The following PACS1 variants were observed in gnomAD, a reference collection of about 807,000 sequenced individuals.
PACS1 encodes PACS-1.
PACS1 carries 24 observed loss-of-function variants against 115.0 expected under a neutral mutation model. The observed-to-expected ratio is 0.21, with a 90% CI of 0.15 to 0.29. The LOEUF is 0.29. Among genes scored for constraint, PACS1 ranks in the 10% least tolerant of loss-of-function variants. The pLI is 1.00. For synonymous variants in PACS1, 453 were observed against 504.5 expected (o/e 0.90, Z 1.37); for missense variants, 838 against 1,251.2 (o/e 0.67, Z 4.98).
At chr11:66,229,184 C>T (rs1371067269) in intron 11 of PACS1, among the ~76,000 whole-genome samples, 9 of 117,286 alleles carry the variant, frequency 7.7e-5, no homozygotes, top group Admixed American at 3.6e-4. Flanking sequence ...AAGACCAGCC[C>T]GGGCAACATG....
chr11:66,169,914 G>A (rs1045053007), intron 1 of PACS1, among the ~76,000 whole-genome samples: 2 of 150,304 alleles, frequency 1.3e-5, no homozygotes, highest in African/African-American at 5.0e-5. Flanking sequence ...TTCTTTGAAC[G>A]TTTGGTAGAA....
rs547655093 is a variant in PACS1, at chr11:66,077,038, A to G, written c.356+6196A>G. Among the ~76,000 whole-genome samples the G allele has an allele frequency of 1.1e-4, 16 of 152,226 alleles. No individual in the cohort carries two copies. The South Asian group carries it at 3.3e-3, about 32-fold the overall frequency. On this transcript the variant is annotated intron_variant, in intron 1 of 23. Transcript: ENST00000320580. Reference sequence around the variant, plus strand: ...TAACCAGCTTCCAAAGGTTTTAGAGACCAAGATATGCACCAGCTCTAGAGT... The same window carrying G: ...TAACCAGCTTCCAAAGGTTTTAGAGGCCAAGATATGCACCAGCTCTAGAGT...
At position 66,243,531 on chromosome 11, in the gene PACS1, TG is replaced by T. The variant is rs1855859772; in HGVS notation, c.*253del. 6 of 529,658 alleles carry T rather than the reference TG, an allele frequency of 1.1e-5. No homozygotes were observed. The highest frequency in any genetic ancestry group is 2.1e-5 in the Non-Finnish European group (6 of 292,290). The allele number at this position is 529,658 out of a possible 1,614,324, so 32.8% of individuals were successfully genotyped here. ...CTCCTGCTCCAGGCCCAAGGCGTGT[TG>T]GTTTTGCCTTCTGGTGCCCATAGTC... On this transcript the variant is annotated 3_prime_UTR_variant, in exon 24 of 24. Transcript: ENST00000320580.
At chr11:66,095,944 T>TA (rs1299084448) in intron 1 of PACS1, among the ~76,000 whole-genome samples, 1 of 151,764 alleles carries the variant, frequency 6.6e-6, no homozygotes, top group Admixed American at 6.6e-5. Context: ...TTTTTTTTTT[T>TA]AAATTTTTGA....
chr11:66,093,690 G>A (rs1044324581), intron 1 of PACS1, among the ~76,000 whole-genome samples: 17 of 150,418 alleles, frequency 1.1e-4, no homozygotes, highest in Non-Finnish European at 2.1e-4. Flanking sequence ...TCTGCACCAA[G>A]CGGACCTAAT....
At chr11:66,082,656 G>A (rs1857506088) in intron 1 of PACS1, among the ~76,000 whole-genome samples, 1 of 152,162 alleles carries the variant, frequency 6.6e-6, no homozygotes, top group Non-Finnish European at 1.5e-5. Context: ...GAGGTCAGGA[G>A]TTACCTGGCC....
intron 1 of PACS1, among the ~76,000 whole-genome samples, chr11:66,161,127 T>TAGA (rs1403122011): frequency 2.0e-5 from 3 of 152,218 alleles, no homozygotes; most frequent in Non-Finnish European, 4.4e-5. Flanking sequence ...TTGTTGTTGT[T>TAGA]ATTCTGTGTG....
At chr11:66,129,375 T>C (rs1277027141) in intron 1 of PACS1, among the ~76,000 whole-genome samples, 1 of 150,278 alleles carries the variant, frequency 6.7e-6, no homozygotes, top group African/African-American at 2.5e-5. Context: ...GAGGTGGCAG[T>C]GAGCTGAGAT....
rs188396149 is a variant in PACS1, at chr11:66,185,564, G to T, written c.357-7922G>T. Among the ~76,000 whole-genome samples, 48 of 152,272 alleles carry T rather than the reference G, an allele frequency of 3.2e-4. 2 individuals are homozygous for T. Among genetic ancestry groups the T allele is most frequent in the African/African-American group, 1.1e-3 (46 of 41,558 alleles). ...TGCCTGATCCCCAGATGAAAAGGAC[G>T]GGAGGGGAGTGACAGAGGAGTCTTC... On this transcript the variant is annotated intron_variant, in intron 1 of 23. Transcript: ENST00000320580.
intron 1 of PACS1, among the ~76,000 whole-genome samples, chr11:66,114,126 C>T (rs749988604): frequency 4.7e-5 from 7 of 150,364 alleles, no homozygotes; most frequent in African/African-American, 1.5e-4. Flanking sequence ...CACATAAAAA[C>T]GTATCTTGGG....
chr11:66,208,767 T>C (rs1855004466), intron 2 of PACS1, among the ~76,000 whole-genome samples: 1 of 151,844 alleles, frequency 6.6e-6, no homozygotes, highest in Admixed American at 6.6e-5. Context: ...GAAAATAATA[T>C]ATAAAAATCA....
intron 1 of PACS1, among the ~76,000 whole-genome samples, chr11:66,098,494 A>G (rs1857836458): frequency 6.6e-6 from 1 of 152,212 alleles, no homozygotes; most frequent in Non-Finnish European, 1.5e-5. Flanking sequence ...TGTTATGCAC[A>G]TGCTATCCTA....
rs1855692970 is a variant in PACS1 at position 66,235,791 on chromosome 11, G to A, written c.2208-107G>A. On this transcript the variant is annotated intron_variant, in intron 18 of 23. Coordinates refer to ENST00000320580, the MANE Select transcript of PACS1 (RefSeq NM_018026.4). The surrounding 1 kb of genome is among the most constrained non-coding windows in gnomAD (Gnocchi z 5.6). ...GGATGTGATGGGCAGAGGCAGCCCAGCATCCTGGACTCTGCTGCAGCCACA... is the reference window on the plus strand; with the variant it reads ...GGATGTGATGGGCAGAGGCAGCCCAACATCCTGGACTCTGCTGCAGCCACA... 2.1e-6 allele frequency: 2 copies of A among 955,092 alleles called. No individual in the cohort carries two copies. Among genetic ancestry groups the A allele is most frequent in the Non-Finnish European group, 1.7e-6 (1 of 580,168 alleles). 59.2% of individuals were successfully genotyped at this position (955,092 alleles called of 1,614,324 possible). A position where few individuals can be genotyped will look rare whatever the true frequency, so the allele number is the denominator to read the frequency against.
chr11:66,070,420 C>A lies in PACS1; in HGVS notation c.-67C>A. Reference sequence around the variant, plus strand: ...GGCTGCCGCGCCCCCGCCGCCGCCGCCGCGGGGGAAGCCTGGGAGCCAGAT... The same window carrying A: ...GGCTGCCGCGCCCCCGCCGCCGCCGACGCGGGGGAAGCCTGGGAGCCAGAT... On this transcript the variant is annotated 5_prime_UTR_variant, in exon 1 of 24. Transcript: ENST00000320580. The surrounding 1 kb of genome is among the most constrained non-coding windows in gnomAD (Gnocchi z 5.9). 2 of 1,034,174 alleles carry A rather than the reference C, an allele frequency of 1.9e-6. No individual in the cohort carries two copies. Among genetic ancestry groups the A allele is most frequent in the Non-Finnish European group, 2.4e-6 (2 of 817,608 alleles). 64.1% of individuals were successfully genotyped at this position (1,034,174 alleles called of 1,614,324 possible).
chr11:66,175,790 C>G (rs1859845083), intron 1 of PACS1, among the ~76,000 whole-genome samples: 1 of 152,206 alleles, frequency 6.6e-6, no homozygotes, highest in Admixed American at 6.5e-5. Flanking sequence ...ACTGATCATT[C>G]AACCCAGAAA....
intron 4 of PACS1, among the ~76,000 whole-genome samples, chr11:66,211,590 T>C (rs768874889): frequency 6.6e-6 from 1 of 152,238 alleles, no homozygotes; most frequent in Non-Finnish European, 1.5e-5. Context: ...ACATTTCATA[T>C]GCTCTCCTCA....
At chr11:66,200,204 A>G (rs369798540) in intron 2 of PACS1, among the ~76,000 whole-genome samples, 18 of 152,266 alleles carry the variant, frequency 1.2e-4, no homozygotes, top group African/African-American at 3.1e-4. Flanking sequence ...TTGAAAAATT[A>G]GCTGGATGTG....
chr11:66,089,960 C>A lies in PACS1; in HGVS notation c.356+19118C>A, dbSNP rs186486592. Among the ~76,000 whole-genome samples, 73 of 142,310 alleles carry A rather than the reference C, an allele frequency of 5.1e-4. No homozygotes were observed. The East Asian group carries it at 0.013, about 26-fold the overall frequency. The allele number at this position is 142,310 out of a possible 152,430, so 93.4% of individuals were successfully genotyped here. On this transcript the variant is annotated intron_variant, in intron 1 of 23. Transcript: ENST00000320580. ...GGCTGAGCTTGCAGTGAGCCAAGAT[C>A]GCGCCACTGCACTCCAGCCTGGAGG...
rs145583005 is a variant in PACS1, at chr11:66,233,730, C to T, written c.1839-55C>T. 7.1e-4 allele frequency: 1,098 copies of T among 1,535,800 alleles called. 6 individuals are homozygous for T. The African/African-American group carries it at 0.013, about 18-fold the overall frequency. On this transcript the variant is annotated intron_variant, in intron 15 of 23. Transcript: ENST00000320580. The surrounding 1 kb of genome is among the most constrained non-coding windows in gnomAD (Gnocchi z 4.5). ...CAGAAAGTCAGCTCTGGGCCTCCCC[C>T]GGGCAGGATCCTGGCACCCCTGAGC...
Sources: gnomAD v4.1 joint callset for allele counts (sites outside exome capture counted in the v4.1 genomes callset) on GRCh38, gnomAD v4.1.1 for gene constraint, Gnocchi (gnomAD v3.1) non-coding constraint, MANE v1.5 for transcripts, NCBI Gene and HGNC (gene_info 2026-07-23, HGNC 2026-07-21) for gene names.